The following DSCAM variants were observed in gnomAD, a reference collection of about 807,000 sequenced individuals.
DSCAM encodes the protein cell adhesion molecule DSCAM.
A neutral mutation model predicts 217.7 loss-of-function variants in DSCAM; 47 were observed. The observed-to-expected ratio is 0.22, with a 90% CI of 0.17 to 0.28. The LOEUF (loss-of-function observed/expected upper bound fraction) is 0.28. DSCAM is among the 10% of genes least tolerant of loss of function. The pLI, the probability that DSCAM is intolerant of heterozygous loss-of-function variation, is 1.00. For missense variants in DSCAM, 2,080 were observed against 2,618.3 expected (o/e 0.79, Z 4.49); for synonymous variants, 1,056 against 1,015.3 (o/e 1.04, Z -0.76).
chr21:40,741,867 C>A (rs575597250), intron 1 of DSCAM, among the ~76,000 whole-genome samples: 3 of 152,166 alleles, frequency 2.0e-5, no homozygotes, highest in Non-Finnish European at 2.9e-5. Flanking sequence ...CTTGTATTGA[C>A]TATTCCTATA....
At position 40,450,682 on chromosome 21, in the gene DSCAM, G is replaced by A. The variant is rs117020708; in HGVS notation, c.509-81437C>T. On this transcript the variant is annotated intron_variant, in intron 3 of 32. Transcript: ENST00000400454. ...GCATGAAGTTTATCTAAGCCATCAG[G>A]GCTCACAGGGTCTATGTTACATATG... Among the ~76,000 whole-genome samples, 529 of 152,226 alleles carry A rather than the reference G, an allele frequency of 3.5e-3. 2 individuals are homozygous for A. Among genetic ancestry groups the A allele is most frequent in the Non-Finnish European group, 6.2e-3 (420 of 68,016 alleles).
chr21:40,683,486 G>C (rs919664452), intron 3 of DSCAM, among the ~76,000 whole-genome samples: 4 of 152,246 alleles, frequency 2.6e-5, no homozygotes, highest in East Asian at 1.9e-4. Context: ...AAAGAAAGAA[G>C]TATGGAAGTT....
At chr21:40,201,343 C>T in intron 11 of DSCAM, among the ~76,000 whole-genome samples, 1 of 150,338 alleles carries the variant, frequency 6.7e-6, no homozygotes, top group Non-Finnish European at 1.5e-5. Context: ...GTATTTTCCT[C>T]TAACTCGCAT....
chr21:40,293,624 A>G (rs1462145937), intron 10 of DSCAM, among the ~76,000 whole-genome samples: 2 of 152,246 alleles, frequency 1.3e-5, no homozygotes, highest in Non-Finnish European at 2.9e-5. Context: ...GTTCAAGGCC[A>G]GCCTGGCCAA....
chr21:40,523,451 G>A lies in DSCAM; in HGVS notation c.509-154206C>T, dbSNP rs575003034. The stretch of plus-strand genomic sequence containing the variant: ...GAATGCACCGGCCTAAGAGCACACC[G>A]ACAGAAGCCAGCAGGCCAGCAGGCC... On this transcript the variant is annotated intron_variant, in intron 3 of 32. Coordinates refer to ENST00000400454, the MANE Select transcript of DSCAM (RefSeq NM_001389.5). 1.1e-4 allele frequency among the ~76,000 whole-genome samples: 16 copies of A among 152,264 alleles called. No individual in the cohort carries two copies. In the East Asian group the frequency reaches 2.7e-3, roughly 26 times the overall value.
chr21:40,317,989 A>G (rs1319913404), intron 8 of DSCAM, among the ~76,000 whole-genome samples: 1 of 152,152 alleles, frequency 6.6e-6, no homozygotes. Context: ...CCATGTCCCT[A>G]CAAAGGACAT....
intron 11 of DSCAM, among the ~76,000 whole-genome samples, chr21:40,269,133 T>G (rs1487614492): frequency 6.6e-6 from 1 of 152,192 alleles, no homozygotes; most frequent in Admixed American, 6.5e-5. Flanking sequence ...CTAATTAGTT[T>G]GGATGCCTCC....
chr21:40,528,301 C>T (rs910140033), intron 3 of DSCAM, among the ~76,000 whole-genome samples: 1 of 152,158 alleles, frequency 6.6e-6, no homozygotes, highest in Admixed American at 6.5e-5. Context: ...ATCATATTAA[C>T]TTAAGGAATA....
At chr21:40,516,047 A>G (rs1050925317) in intron 3 of DSCAM, among the ~76,000 whole-genome samples, 1 of 152,096 alleles carries the variant, frequency 6.6e-6, no homozygotes, top group Non-Finnish European at 1.5e-5. Context: ...GGTAGCGTCT[A>G]ATGATAAGGT....
At chr21:40,070,421 GA>G (rs2089277884) in intron 27 of DSCAM, among the ~76,000 whole-genome samples, 1 of 151,740 alleles carries the variant, frequency 6.6e-6, no homozygotes, top group African/African-American at 2.4e-5. Context: ...AAAAGAAAAA[GA>G]AAGAGAAAGA....
intron 1 of DSCAM, among the ~76,000 whole-genome samples, chr21:40,715,843 G>A (rs2090835948): frequency 6.6e-6 from 1 of 152,000 alleles, no homozygotes; most frequent in Non-Finnish European, 1.5e-5. Context: ...CCGACTGTGG[G>A]TAATTTGAAC....
chr21:40,110,427 A>G (rs1000409041), intron 20 of DSCAM, among the ~76,000 whole-genome samples: 3 of 152,206 alleles, frequency 2.0e-5, no homozygotes, highest in African/African-American at 4.8e-5. Context: ...CGTCACCATC[A>G]TCAAAGACCA....
intron 3 of DSCAM, among the ~76,000 whole-genome samples, chr21:40,558,681 C>T (rs923222370): frequency 6.6e-6 from 1 of 152,164 alleles, no homozygotes; most frequent in African/African-American, 2.4e-5. Context: ...ATTAGATACA[C>T]TTTTCTTTTT....
At chr21:40,649,287 C>T (rs2146356266) in intron 3 of DSCAM, among the ~76,000 whole-genome samples, 1 of 152,234 alleles carries the variant, frequency 6.6e-6, no homozygotes, top group South Asian at 2.1e-4. Flanking sequence ...TTGTCCCTGC[C>T]ACCTCTGGCC....
intron 3 of DSCAM, among the ~76,000 whole-genome samples, chr21:40,378,304 A>C (rs1247685236): frequency 1.3e-5 from 2 of 152,222 alleles, no homozygotes; most frequent in Non-Finnish European, 2.9e-5. Flanking sequence ...TAGAACAAAA[A>C]ATAAAATGTT....
chr21:40,352,313 T>C (rs1422906813), intron 5 of DSCAM, among the ~76,000 whole-genome samples: 1 of 152,236 alleles, frequency 6.6e-6, no homozygotes, highest in African/African-American at 2.4e-5. Flanking sequence ...GAATAATTCT[T>C]ACTGGCTGTC....
rs200479861 is a variant in DSCAM at position 40,175,776 on chromosome 21, CACAT to C, written c.2947+3147_2947+3150del. ...ATCCAGCATATATTTTCTCAACACACACATACACACACACACACACACACACACA... is the reference window on the plus strand; with the variant it reads ...ATCCAGCATATATTTTCTCAACACACACACACACACACACACACACACACA... On this transcript the variant is annotated intron_variant, in intron 15 of 32. Coordinates refer to ENST00000400454, the MANE Select transcript of DSCAM (RefSeq NM_001389.5). Among the ~76,000 whole-genome samples, 95 of 41,708 alleles carry C rather than the reference CACAT, an allele frequency of 2.3e-3. 1 individual carries two copies. The highest frequency in any genetic ancestry group is 9.0e-3 in the African/African-American group (89 of 9,866). The allele number at this position is 41,708 out of a possible 152,430, so 27.4% of individuals were successfully genotyped here. A position where few individuals can be genotyped will look rare whatever the true frequency, so the allele number is the denominator to read the frequency against.
chr21:40,250,781 G>A (rs758066242), intron 11 of DSCAM, among the ~76,000 whole-genome samples: 26 of 152,212 alleles, frequency 1.7e-4, no homozygotes, highest in Non-Finnish European at 3.2e-4. Flanking sequence ...TCATGTTCAT[G>A]GAGGTGGCCG....
In DSCAM at chr21:40,708,627, C is replaced by A. The variant is rs1307718510; in HGVS notation, c.188G>T (p.Gly63Val). ...PVTLRWYLAT[G>V]EEIYDVPGIR... ...CCCGGGGACATCGTAGATCTCCTCG[C>A]CCGTGGCTAGGTACCATCTGAGAGT... Residue 63 changes from glycine to valine, a missense_variant, in exon 2 of 33, where the codon GGC (glycine) becomes GTC (valine). Physicochemically the swap from Gly to Val is moderately radical, Grantham distance 109 (BLOSUM62 -3). Transcript: ENST00000400454. 6.2e-7 allele frequency: 1 copy of A among 1,612,966 alleles called. No individual in the cohort carries two copies.
Sources: allele counts gnomAD v4.1 joint callset (sites outside exome capture counted in the v4.1 genomes callset), GRCh38; gene constraint gnomAD v4.1.1; transcripts MANE v1.5; gene names NCBI Gene and HGNC (gene_info 2026-07-23, HGNC 2026-07-21).